Variants in CCSER1 observed in about 807,000 individuals in gnomAD.
The protein encoded by CCSER1 is serine-rich coiled-coil domain-containing protein 1.
CCSER1 carries 41 observed loss-of-function variants against 82.0 expected under a neutral mutation model. That is an observed-to-expected ratio of 0.50 (90% CI 0.39 to 0.65). The LOEUF is 0.65. CCSER1 is among the 30% of genes least tolerant of loss of function. CCSER1 has a pLI of 0.00. For synonymous variants in CCSER1, 414 were observed against 383.9 expected, an observed-to-expected ratio of 1.08 and a Z score of -0.92; for missense variants, 1,119 against 1,064.2, an observed-to-expected ratio of 1.05 and a Z score of -0.72.
At chr4:90,749,866 C>T (rs559416265) in intron 7 of CCSER1, among the ~76,000 whole-genome samples, 1,976 of 151,816 alleles carry the variant, frequency 0.013, 50 homozygotes, top group African/African-American at 0.045. Flanking sequence ...GGAATCGCCA[C>T]ACTGACTTCC....
At chr4:91,591,086 A>G (rs768328522) in intron 10 of CCSER1, among the ~76,000 whole-genome samples, 5 of 152,130 alleles carry the variant, frequency 3.3e-5, no homozygotes, top group Non-Finnish European at 5.9e-5. Context: ...AGTTGTCACA[A>G]CTGGGTGACA....
At chr4:90,314,295 T>C (rs914043054) in intron 3 of CCSER1, among the ~76,000 whole-genome samples, 3 of 152,220 alleles carry the variant, frequency 2.0e-5, no homozygotes, top group African/African-American at 7.2e-5. Flanking sequence ...TATTATATTA[T>C]TATTGTTGCA....
intron 8 of CCSER1, among the ~76,000 whole-genome samples, chr4:90,915,669 A>C (rs12506978): frequency 6.6e-6 from 1 of 152,114 alleles, no homozygotes; most frequent in East Asian, 1.9e-4. Context: ...GGCCAGGTCA[A>C]TCAGGCAGGA....
chr4:90,459,672 A>G (rs1578573856), intron 4 of CCSER1, among the ~76,000 whole-genome samples: 1 of 152,044 alleles, frequency 6.6e-6, no homozygotes, highest in South Asian at 2.1e-4. Context: ...TTAAAAGGGC[A>G]CCAGTCGTAC....
At position 91,017,311 on chromosome 4, in the gene CCSER1, G is replaced by C. The variant is rs1428099116; in HGVS notation, c.2173-68639G>C. The C allele has an allele frequency of 2.0e-5, 3 of 152,194 alleles. No individual in the cohort carries two copies. In the East Asian group the frequency reaches 5.8e-4, roughly 29 times the overall value. The allele number at this position is 152,194 out of a possible 1,614,324, so 9.4% of individuals were successfully genotyped here. A position where few individuals can be genotyped will look rare whatever the true frequency, so the allele number is the denominator to read the frequency against. ...GAGAACAGAATCGGTGGAGGTAAAA[G>C]GTCTAGAAACTTCACTAAAGACATT... On this transcript the variant is annotated intron_variant, in intron 9 of 10. Coordinates refer to ENST00000509176, the MANE Select transcript of CCSER1 (RefSeq NM_001145065.2).
chr4:91,362,803 A>G (rs1218174845), intron 10 of CCSER1, among the ~76,000 whole-genome samples: 1 of 151,820 alleles, frequency 6.6e-6, no homozygotes, highest in Non-Finnish European at 1.5e-5. Context: ...AACTACTAGT[A>G]ATAAAAGCTC....
chr4:90,919,368 T>C (rs17197161), intron 8 of CCSER1, among the ~76,000 whole-genome samples: 35,146 of 151,644 alleles, frequency 0.23, 4,799 homozygotes, highest in Non-Finnish European at 0.31. Context: ...CTTACTATCT[T>C]GTGTGATATT....
intron 8 of CCSER1, among the ~76,000 whole-genome samples, chr4:90,920,539 C>T (rs915948789): frequency 6.6e-6 from 1 of 151,932 alleles, no homozygotes; most frequent in East Asian, 1.9e-4. Flanking sequence ...CCATATCACT[C>T]AGTTCCACTT....
chr4:90,228,940 G>A (rs1030318406), intron 1 of CCSER1, among the ~76,000 whole-genome samples: 3 of 152,112 alleles, frequency 2.0e-5, no homozygotes, highest in Admixed American at 1.3e-4. Context: ...AAAAAGAAAC[G>A]AGCAAAGCCT....
At chr4:90,856,538 T>C (rs1055711089) in intron 8 of CCSER1, among the ~76,000 whole-genome samples, 22 of 152,092 alleles carry the variant, frequency 1.4e-4, no homozygotes, top group Non-Finnish European at 2.8e-4. Context: ...TTCCCCTGGG[T>C]TCAGATGCTA....
At chr4:90,983,807 C>G (rs952388751) in intron 9 of CCSER1, among the ~76,000 whole-genome samples, 1 of 151,710 alleles carries the variant, frequency 6.6e-6, no homozygotes, top group African/African-American at 2.4e-5. Context: ...TTTCATCTTT[C>G]TGTGCACTAT....
intron 9 of CCSER1, among the ~76,000 whole-genome samples, chr4:91,036,034 G>C (rs1035598422): frequency 2.0e-5 from 3 of 152,190 alleles, no homozygotes; most frequent in Non-Finnish European, 4.4e-5. Context: ...ATGTGGGCAG[G>C]ATGCCCCTTC....
At chr4:90,761,688 T>A (rs954217037) in intron 7 of CCSER1, among the ~76,000 whole-genome samples, 5 of 152,194 alleles carry the variant, frequency 3.3e-5, no homozygotes, top group African/African-American at 9.6e-5. Flanking sequence ...AAATTGGGAT[T>A]GAATTGGAAA....
intron 8 of CCSER1, among the ~76,000 whole-genome samples, chr4:90,849,617 G>A (rs1210775982): frequency 3.3e-5 from 5 of 151,562 alleles, no homozygotes; most frequent in East Asian, 3.9e-4. Flanking sequence ...GTGAAACTCC[G>A]TCTCTACTAA....
intron 3 of CCSER1, among the ~76,000 whole-genome samples, chr4:90,341,630 C>T (rs1340275111): frequency 6.6e-6 from 1 of 151,726 alleles, no homozygotes. Flanking sequence ...TATATTTATA[C>T]TGCATTGTGT....
intron 9 of CCSER1, among the ~76,000 whole-genome samples, chr4:90,927,182 T>C (rs1411472034): frequency 6.6e-6 from 1 of 152,020 alleles, no homozygotes; most frequent in Non-Finnish European, 1.5e-5. Context: ...GACAGGTTGA[T>C]TGACTTTAAG....
intron 10 of CCSER1, among the ~76,000 whole-genome samples, chr4:91,307,611 C>A (rs1044892236): frequency 6.6e-6 from 1 of 151,876 alleles, no homozygotes. Flanking sequence ...GCACAACTTA[C>A]AATGAGTAAG....
intron 10 of CCSER1, among the ~76,000 whole-genome samples, chr4:91,555,544 G>A (rs888261124): frequency 1.3e-5 from 2 of 150,732 alleles, no homozygotes; most frequent in Admixed American, 1.3e-4. Flanking sequence ...ATACAGTGAG[G>A]ATATATAATT....
intron 10 of CCSER1, among the ~76,000 whole-genome samples, chr4:91,215,158 G>C (rs1392257014): frequency 6.6e-6 from 1 of 151,938 alleles, no homozygotes; most frequent in Admixed American, 6.6e-5. Context: ...ACCTATATAT[G>C]GTGAGCCTTG....
Sources: allele counts gnomAD v4.1 joint callset (sites outside exome capture counted in the v4.1 genomes callset), GRCh38; gene constraint gnomAD v4.1.1; transcripts MANE v1.5; gene names NCBI Gene and HGNC (gene_info 2026-07-23, HGNC 2026-07-21).